Variants in CDH13 observed in about 807,000 individuals in gnomAD.
CDH13 encodes the protein cadherin-13.
CDH13 carries 24 observed loss-of-function variants against 63.8 expected under a neutral mutation model. The observed-to-expected ratio is 0.38, with a 90% CI of 0.27 to 0.53. CDH13 has a LOEUF of 0.53. Ranked by LOEUF, CDH13 falls within the 20% of genes least tolerant of loss-of-function variation. The probability of loss-of-function intolerance (pLI) is 0.85; values close to 1 mark genes in which losing one functional copy is unlikely to be tolerated. For synonymous variants in CDH13, 503 were observed against 355.3 expected (o/e 1.42, Z -4.67); for missense variants, 1,049 against 903.1 (o/e 1.16, Z -2.07).
At chr16:83,346,308 T>G (rs2151367584) in intron 6 of CDH13, among the ~76,000 whole-genome samples, 1 of 152,262 alleles carries the variant, frequency 6.6e-6, no homozygotes, top group South Asian at 2.1e-4. Flanking sequence ...TGTGAGCTGC[T>G]TTTGATGGAA....
intron 1 of CDH13, among the ~76,000 whole-genome samples, chr16:82,710,648 CATTTT>C (rs2031867076): frequency 7.6e-6 from 1 of 131,376 alleles, no homozygotes; most frequent in Admixed American, 8.3e-5. Context: ...ATAATATAAT[CATTTT>C]ATTTGATTTA....
At chr16:83,107,211 C>T (rs2034811978) in intron 3 of CDH13, among the ~76,000 whole-genome samples, 2 of 152,060 alleles carry the variant, frequency 1.3e-5, no homozygotes, top group African/African-American at 2.4e-5. Context: ...AGGGGGTTGG[C>T]CAGGCAGGTA....
At chr16:83,438,272 A>G (rs765875986) in intron 6 of CDH13, among the ~76,000 whole-genome samples, 2 of 152,220 alleles carry the variant, frequency 1.3e-5, no homozygotes, top group African/African-American at 2.4e-5. Flanking sequence ...CCCCAACTGC[A>G]GGAATCATTT....
intron 10 of CDH13, among the ~76,000 whole-genome samples, chr16:83,740,812 C>G (rs1911986067): frequency 1.3e-5 from 2 of 152,214 alleles, no homozygotes; most frequent in South Asian, 4.1e-4. Flanking sequence ...CCCCAAGAGG[C>G]CCTGCCCAGG....
chr16:83,009,292 C>G (rs557772440), intron 2 of CDH13, among the ~76,000 whole-genome samples: 6 of 152,316 alleles, frequency 3.9e-5, no homozygotes, highest in East Asian at 1.9e-4. Context: ...AACCAGTGCT[C>G]TTGATTTAAG....
At chr16:83,767,785 C>T (rs1039171820) in intron 11 of CDH13, among the ~76,000 whole-genome samples, 28 of 152,262 alleles carry the variant, frequency 1.8e-4, no homozygotes, top group African/African-American at 6.7e-4. Flanking sequence ...TATATTAAAT[C>T]TTCAAAATAG....
intron 2 of CDH13, among the ~76,000 whole-genome samples, chr16:82,907,080 A>T (rs10492864): frequency 0.2 from 30,851 of 151,976 alleles, 4,344 homozygotes; most frequent in African/African-American, 0.4. Flanking sequence ...AAGATCCCTT[A>T]CTCTAGTTTA....
intron 1 of CDH13, among the ~76,000 whole-genome samples, chr16:82,855,619 T>C (rs1309156189): frequency 2.0e-5 from 3 of 152,198 alleles, no homozygotes; most frequent in Admixed American, 6.5e-5. Flanking sequence ...GATGCCAGCA[T>C]TTTGATTGCT....
chr16:83,031,328 T>TACATGCGC (rs1916307401), intron 2 of CDH13, among the ~76,000 whole-genome samples: 2 of 138,320 alleles, frequency 1.4e-5, no homozygotes, highest in African/African-American at 2.7e-5. Flanking sequence ...CATGTATATA[T>TACATGCGC]ATGTATATGT....
chr16:83,619,349 G>A (rs1270717418), intron 8 of CDH13, among the ~76,000 whole-genome samples: 1 of 152,194 alleles, frequency 6.6e-6, no homozygotes, highest in Non-Finnish European at 1.5e-5. Context: ...TCATAACAGA[G>A]GGGGACTGCG....
At chr16:83,573,043 C>T (rs1036869889) in intron 7 of CDH13, among the ~76,000 whole-genome samples, 1 of 152,112 alleles carries the variant, frequency 6.6e-6, no homozygotes, top group Non-Finnish European at 1.5e-5. Flanking sequence ...TTTTCATCCA[C>T]AGAATATAGT....
intron 2 of CDH13, among the ~76,000 whole-genome samples, chr16:82,977,935 T>C (rs1252499805): frequency 6.6e-6 from 1 of 152,176 alleles, no homozygotes; most frequent in Non-Finnish European, 1.5e-5. Context: ...TTGACCAAAA[T>C]GCTGATAGTG....
intron 1 of CDH13, among the ~76,000 whole-genome samples, chr16:82,703,656 C>T (rs2031241064): frequency 6.6e-6 from 1 of 152,134 alleles, no homozygotes; most frequent in Non-Finnish European, 1.5e-5. Flanking sequence ...TAATACGCTA[C>T]TTAAGACAAG....
At chr16:83,662,919 G>A (rs754393778) in intron 8 of CDH13, among the ~76,000 whole-genome samples, 16 of 152,178 alleles carry the variant, frequency 1.1e-4, no homozygotes, top group Non-Finnish European at 1.8e-4. Context: ...ACCAGTCAGC[G>A]ACTGAGAGCA....
At chr16:83,322,834 A>T (rs1006482135) in intron 5 of CDH13, among the ~76,000 whole-genome samples, 1 of 152,206 alleles carries the variant, frequency 6.6e-6, no homozygotes, top group Admixed American at 6.5e-5. Context: ...TGGTGTTCAC[A>T]ACAATGATTC....
chr16:83,524,934 A>G (rs1401265472), intron 7 of CDH13, among the ~76,000 whole-genome samples: 1 of 152,150 alleles, frequency 6.6e-6, no homozygotes, highest in African/African-American at 2.4e-5. Context: ...TGCGCATGAG[A>G]TGGGAAGGTC....
At chr16:83,040,923 C>T (rs946134814) in intron 3 of CDH13, among the ~76,000 whole-genome samples, 2 of 152,150 alleles carry the variant, frequency 1.3e-5, no homozygotes, top group African/African-American at 2.4e-5. Context: ...CCAACATGAC[C>T]AAATTCTATG....
intron 3 of CDH13, among the ~76,000 whole-genome samples, chr16:83,037,502 GAAGA>G (rs1259805440): frequency 6.6e-6 from 1 of 152,206 alleles, no homozygotes; most frequent in Admixed American, 6.5e-5. Context: ...TGCCAGAAAG[GAAGA>G]AAGAGCCAGG....
intron 1 of CDH13, among the ~76,000 whole-genome samples, chr16:82,712,938 C>T (rs530034453): frequency 1.2e-4 from 18 of 152,226 alleles, no homozygotes; most frequent in African/African-American, 3.1e-4. Context: ...TCTCCTAGAA[C>T]GTGAGCTTCA....
Sources: allele counts gnomAD v4.1 joint callset (sites outside exome capture counted in the v4.1 genomes callset), GRCh38; gene constraint gnomAD v4.1.1; transcripts MANE v1.5; gene names NCBI Gene and HGNC (gene_info 2026-07-23, HGNC 2026-07-21).